Variants in JAKMIP1 observed in about 807,000 individuals in gnomAD.
JAKMIP1 encodes janus kinase and microtubule interacting protein 1.
In JAKMIP1, 33 loss-of-function variants were observed where a neutral mutation model predicts 113.0. The ratio of observed to expected loss-of-function variants is 0.29; its 90% CI spans 0.22 to 0.39. The LOEUF (loss-of-function observed/expected upper bound fraction) is 0.39, where lower values mean the gene tolerates loss of function less well. Ranked by LOEUF, JAKMIP1 falls within the 10% of genes least tolerant of loss-of-function variation. JAKMIP1 has a pLI of 1.00. For missense variants in JAKMIP1, 813 were observed against 1,080.5 expected, an observed-to-expected ratio of 0.75 and a Z score of 3.47; for synonymous variants, 480 against 459.9, an observed-to-expected ratio of 1.04 and a Z score of -0.56.
At chr4:6,126,398 A>T (rs111161911) in intron 1 of JAKMIP1, among the ~76,000 whole-genome samples, 267 of 23,762 alleles carry the variant, frequency 0.011, 3 homozygotes, top group African/African-American at 0.039. Context: ...ACAGAAACAC[A>T]CACACAAACA....
rs1721463764 is a variant in JAKMIP1, at chr4:6,150,664, C to T, written c.-147-37667G>A. Reference sequence around the variant, plus strand: ...TCTGTCTGGCTTCCTCTTCAAAACCCAACAGACTCCATCTGGGCCCCAGAA... The same window carrying T: ...TCTGTCTGGCTTCCTCTTCAAAACCTAACAGACTCCATCTGGGCCCCAGAA... On this transcript the variant is annotated intron_variant, in intron 1 of 20. Transcript: ENST00000409021. The surrounding 1 kb of genome is among the most constrained non-coding windows in gnomAD (Gnocchi z 4.8). Among the ~76,000 whole-genome samples, 1 of 152,180 alleles carries T rather than the reference C, an allele frequency of 6.6e-6. No homozygotes were observed. Among genetic ancestry groups the T allele is most frequent in the Admixed American group, 6.5e-5 (1 of 15,288 alleles).
chr4:6,078,837 C>T, intron 8 of JAKMIP1, 102 bp downstream of exon 8: 1 of 1,079,492 alleles, frequency 9.3e-7, no homozygotes, highest in Non-Finnish European at 1.4e-6. Context: ...TGTGTGTCTG[C>T]TTCAGGACCC....
chr4:6,141,017 CT>C lies in JAKMIP1; in HGVS notation c.-147-28021del, dbSNP rs2108960763. ...AGAGCCAGCCCTGTGGGCCAGGCAT[CT>C]GGGACCTGTAACCTCAGCAGCCAGC... On this transcript the variant is annotated intron_variant, in intron 1 of 20. Transcript: ENST00000409021. This position sits in a 1 kb window ranked among gnomAD's most constrained non-coding sequence, Gnocchi z 9.4. 6.6e-6 allele frequency among the ~76,000 whole-genome samples: 1 copy of C among 152,322 alleles called. No homozygotes were observed. The highest frequency in any genetic ancestry group is 2.1e-4 in the South Asian group (1 of 4,830).
At chr4:6,084,508 C>T (rs369281400) in intron 5 of JAKMIP1, among the ~76,000 whole-genome samples, 101 of 152,164 alleles carry the variant, frequency 6.6e-4, no homozygotes, top group African/African-American at 1.5e-3. Context: ...CTCTGCCCTA[C>T]GCTTTAGTAT....
Position 6,128,206 on chromosome 4 carries a change from G to A in JAKMIP1, c.-147-15209C>T, listed in dbSNP as rs996992258. Among the ~76,000 whole-genome samples the A allele has an allele frequency of 6.6e-5, 10 of 152,314 alleles. 1 individual carries two copies. Among genetic ancestry groups the A allele is most frequent in the Admixed American group, 3.9e-4 (6 of 15,296 alleles). ...GATTCACCTCCCAGGTGGGTCACTC[G>A]GGGTCTAGGGTCAGTTCTCTGAGTT... On this transcript the variant is annotated intron_variant, in intron 1 of 20. Transcript: ENST00000409021.
At position 6,085,379 on chromosome 4, in the gene JAKMIP1, G is replaced by A. The variant is rs777336281; in HGVS notation, c.834+41C>T. Reference sequence around the variant, plus strand: ...CCAGAAAAATGCCACCTAAATGGGTGGGGGACCAGCCTGAGGCTGGCACAA... The same window carrying A: ...CCAGAAAAATGCCACCTAAATGGGTAGGGGACCAGCCTGAGGCTGGCACAA... On this transcript the variant is annotated intron_variant, in intron 4 of 20. Coordinates refer to ENST00000409021, the MANE Select transcript of JAKMIP1 (RefSeq NM_001099433.2). The A allele has an allele frequency of 3.2e-6, 5 of 1,585,686 alleles. No individual in the cohort carries two copies. The South Asian group carries it at 5.6e-5, about 18-fold the overall frequency.
At chr4:6,055,112 C>T (rs996044749) in intron 12 of JAKMIP1, among the ~76,000 whole-genome samples, 1 of 152,180 alleles carries the variant, frequency 6.6e-6, no homozygotes, top group African/African-American at 2.4e-5. Flanking sequence ...CAAGGACCCC[C>T]ACCAGGGCCA....
chr4:6,178,465 G>A lies in JAKMIP1; in HGVS notation c.-148+21788C>T, dbSNP rs933587266. On this transcript the variant is annotated intron_variant, in intron 1 of 20. Coordinates refer to ENST00000409021, the MANE Select transcript of JAKMIP1 (RefSeq NM_001099433.2). This position sits in a 1 kb window ranked among gnomAD's most constrained non-coding sequence, Gnocchi z 5.5. ...TTTAAGTGGGTTCTGAATATGTTAC[G>A]AGTAGCAATTTTATCAGAAATTATT... 3.9e-5 allele frequency among the ~76,000 whole-genome samples: 6 copies of A among 152,168 alleles called. No individual in the cohort carries two copies. Among genetic ancestry groups the A allele is most frequent in the Non-Finnish European group, 8.8e-5 (6 of 68,030 alleles).
rs1013387551 is a variant in JAKMIP1 at position 6,168,524 on chromosome 4, T to A, written c.-148+31729A>T. Among the ~76,000 whole-genome samples the A allele has an allele frequency of 6.6e-6, 1 of 152,146 alleles. No individual in the cohort carries two copies. The highest frequency in any genetic ancestry group is 1.5e-5 in the Non-Finnish European group (1 of 68,024). On this transcript the variant is annotated intron_variant, in intron 1 of 20. Transcript: ENST00000409021. This position sits in a 1 kb window ranked among gnomAD's most constrained non-coding sequence, Gnocchi z 4.6. ...TGAATGAACCTGGAAAACATTCCACTAAATGAAGAAAGCCAGTCACAAAAT... is the reference window on the plus strand; with the variant it reads ...TGAATGAACCTGGAAAACATTCCACAAAATGAAGAAAGCCAGTCACAAAAT...
intron 19 of JAKMIP1, among the ~76,000 whole-genome samples, chr4:6,035,113 T>TTC (rs144090101): frequency 2.4e-4 from 37 of 151,068 alleles, no homozygotes; most frequent in African/African-American, 2.2e-4. Flanking sequence ...GTCAACCTCT[T>TTC]TCTCTCTCTC....
At chr4:6,144,908 G>A (rs1263185009) in intron 1 of JAKMIP1, among the ~76,000 whole-genome samples, 1 of 152,022 alleles carries the variant, frequency 6.6e-6, no homozygotes, top group East Asian at 1.9e-4. Flanking sequence ...GAAATAAAAG[G>A]CACCCAGATC....
Position 6,026,294 on chromosome 4 carries a change from A to G in JAKMIP1, c.2446-16T>C, listed in dbSNP as rs1292768488. 5.0e-6 allele frequency: 6 copies of G among 1,189,762 alleles called. No individual in the cohort carries two copies. In the South Asian group the frequency reaches 8.3e-5, roughly 16 times the overall value. 73.7% of individuals were successfully genotyped at this position (1,189,762 alleles called of 1,614,324 possible). On this transcript the variant is annotated splice_polypyrimidine_tract_variant and intron_variant, in intron 20 of 20. Coordinates refer to ENST00000409021, the MANE Select transcript of JAKMIP1 (RefSeq NM_001099433.2). Reference sequence around the variant, plus strand: ...GGAACAAAAACTATAAAATAATACCAAAAGAAAATGAGGAAAAGAGAAGAA... The same window carrying G: ...GGAACAAAAACTATAAAATAATACCGAAAGAAAATGAGGAAAAGAGAAGAA...
At chr4:6,127,261 G>A (rs2108927258) in intron 1 of JAKMIP1, among the ~76,000 whole-genome samples, 1 of 152,332 alleles carries the variant, frequency 6.6e-6, no homozygotes. Flanking sequence ...AAGCCCGGGG[G>A]CAGCCAGGGC....
rs1578045684 is a variant in JAKMIP1, at chr4:6,035,908, T to C, written c.2375A>G (p.Gln792Arg). The C allele has an allele frequency of 1.3e-6, 2 of 1,548,864 alleles. No individual in the cohort carries two copies. Among genetic ancestry groups the C allele is most frequent in the Non-Finnish European group, 1.7e-6 (2 of 1,146,288 alleles). ...RERMELLQQA[Q>R]QRIRELEDKL... ...ACAGCCGCTGTTGCCGCCTACCTGC[T>C]GGGCCTGCTGCAGCAGCTCCATGCG... Residue 792 changes from glutamine (Q) to arginine (R), a missense_variant, in exon 19 of 21, where the codon CAG (glutamine) becomes CGG (arginine). Around this residue, in one of 2 missense-constraint regions of JAKMIP1, gnomAD observed 273 missense variants for 426.6 expected, o/e 0.64. Coordinates refer to ENST00000409021, the MANE Select transcript of JAKMIP1 (RefSeq NM_001099433.2).
At position 6,069,471 on chromosome 4, in the gene JAKMIP1, G is replaced by A. The variant is rs568755573; in HGVS notation, c.1303-4463C>T. On this transcript the variant is annotated intron_variant, in intron 8 of 20. Coordinates refer to ENST00000409021, the MANE Select transcript of JAKMIP1 (RefSeq NM_001099433.2). This position sits in a 1 kb window ranked among gnomAD's most constrained non-coding sequence, Gnocchi z 4.5. ...TTCAGATTAAGATTCAGTTTTGGCCGGGCACAGTGGCTCATGCCTGTAATC... is the reference window on the plus strand; with the variant it reads ...TTCAGATTAAGATTCAGTTTTGGCCAGGCACAGTGGCTCATGCCTGTAATC... Among the ~76,000 whole-genome samples the A allele has an allele frequency of 7.9e-5, 12 of 152,268 alleles. No homozygotes were observed. The highest frequency in any genetic ancestry group is 3.4e-3 in the Middle Eastern group (1 of 294).
At chr4:6,191,189 C>A (rs1001262319) in intron 1 of JAKMIP1, among the ~76,000 whole-genome samples, 4 of 152,292 alleles carry the variant, frequency 2.6e-5, no homozygotes, top group South Asian at 4.2e-4. Flanking sequence ...AAGTCATGGG[C>A]GTGGATGCCA....
At chr4:6,148,448 T>TC (rs1352991554) in intron 1 of JAKMIP1, among the ~76,000 whole-genome samples, 3 of 152,252 alleles carry the variant, frequency 2.0e-5, no homozygotes, top group Admixed American at 6.5e-5. Context: ...TCATTACTGT[T>TC]CCCCACAGTC....
rs1367649198 is a variant in JAKMIP1 at position 6,044,428 on chromosome 4, G to C, written c.2029-2201C>G. 6.6e-6 allele frequency among the ~76,000 whole-genome samples: 1 copy of C among 152,164 alleles called. No individual in the cohort carries two copies. On this transcript the variant is annotated intron_variant, in intron 16 of 20. Transcript: ENST00000409021. This position sits in a 1 kb window ranked among gnomAD's most constrained non-coding sequence, Gnocchi z 4.4. ...AACTCCTTCCCTAACGCCACAGTGA[G>C]CTCGGCCCCCAGTACGGGCTCTGTG... is the stretch of plus-strand genomic sequence containing the variant.
intron 17 of JAKMIP1, among the ~76,000 whole-genome samples, chr4:6,041,106 C>A (rs763389985): frequency 7.9e-5 from 12 of 152,142 alleles, no homozygotes; most frequent in Admixed American, 1.3e-4. Context: ...TCCTTCCTGC[C>A]TGAATTGCAT....
Sources: gnomAD v4.1 joint callset for allele counts (sites outside exome capture counted in the v4.1 genomes callset) on GRCh38, gnomAD v4.1.1 for gene constraint, gnomAD v4.1.1 regional missense constraint, Gnocchi (gnomAD v3.1) non-coding constraint, MANE v1.5 for transcripts, NCBI Gene and HGNC (gene_info 2026-07-23, HGNC 2026-07-21) for gene names.